The following CAP2 variants were observed in gnomAD, a reference collection of about 807,000 sequenced individuals.
CAP2 encodes the protein cyclase associated actin cytoskeleton regulatory protein 2.
Under a neutral mutation model 57.7 loss-of-function variants are expected in CAP2, and 24 were observed. The ratio of observed to expected loss-of-function variants is 0.42; its 90% CI spans 0.30 to 0.58. The LOEUF is 0.58. Among genes scored for constraint, CAP2 ranks in the 20% least tolerant of loss-of-function variants. The probability of loss-of-function intolerance (pLI) is 0.22; values close to 1 mark genes in which losing one functional copy is unlikely to be tolerated. For missense variants in CAP2, 501 were observed against 590.3 expected, an observed-to-expected ratio of 0.85 and a Z score of 1.57; for synonymous variants, 194 against 207.2, an observed-to-expected ratio of 0.94 and a Z score of 0.55.
chr6:17,480,477 A>G (rs568807731), intron 4 of CAP2, among the ~76,000 whole-genome samples: 76 of 152,294 alleles, frequency 5.0e-4, no homozygotes, highest in Non-Finnish European at 9.0e-4. Flanking sequence ...AGATAAACCT[A>G]AACCTGGTAT....
chr6:17,550,346 T>C (rs1432062263), intron 11 of CAP2, among the ~76,000 whole-genome samples: 5 of 151,722 alleles, frequency 3.3e-5, no homozygotes, highest in South Asian at 2.1e-4. Flanking sequence ...TGCTGTATTA[T>C]TATTTGTAGT....
At chr6:17,436,309 T>A (rs1343395416) in intron 3 of CAP2, among the ~76,000 whole-genome samples, 1 of 152,050 alleles carries the variant, frequency 6.6e-6, no homozygotes, top group Admixed American at 6.6e-5. Flanking sequence ...TCTTTTGTGT[T>A]TTTAGTAGAG....
At position 17,556,711 on chromosome 6, in the gene CAP2, T is replaced by A. The variant is rs767195836; in HGVS notation, c.*269T>A. The A allele has an allele frequency of 9.5e-6, 4 of 420,374 alleles. No homozygotes were observed. Among genetic ancestry groups the A allele is most frequent in the Non-Finnish European group, 1.7e-5 (4 of 234,340 alleles). The allele number at this position is 420,374 out of a possible 1,614,324, so 26.0% of individuals were successfully genotyped here. A position where few individuals can be genotyped will look rare whatever the true frequency, so the allele number is the denominator to read the frequency against. On this transcript the variant is annotated 3_prime_UTR_variant, in exon 13 of 13. Coordinates refer to ENST00000229922, the MANE Select transcript of CAP2 (RefSeq NM_006366.3). ...GATTTAAAGGAAAAAAAAAAAGAAT[T>A]CTGTTCCCCTCATATCATGAACACA... is the stretch of plus-strand genomic sequence containing the variant.
intron 8 of CAP2, among the ~76,000 whole-genome samples, chr6:17,540,756 A>C (rs949506655): frequency 1.5e-4 from 23 of 152,098 alleles, no homozygotes; most frequent in Admixed American, 1.0e-3. Flanking sequence ...TCCATTTAAA[A>C]AACAACAACA....
At chr6:17,400,838 C>G (rs2113500020) in intron 1 of CAP2, among the ~76,000 whole-genome samples, 1 of 148,822 alleles carries the variant, frequency 6.7e-6, no homozygotes, top group South Asian at 2.1e-4. Flanking sequence ...GCATTCCAGC[C>G]TGGGCAACAG....
intron 1 of CAP2, among the ~76,000 whole-genome samples, chr6:17,413,067 C>T (rs955921892): frequency 2.0e-5 from 3 of 151,954 alleles, no homozygotes; most frequent in Non-Finnish European, 4.4e-5. Context: ...ATCTCAGGAG[C>T]ATGGGGAATT....
chr6:17,425,422 G>C (rs892364417), intron 2 of CAP2, among the ~76,000 whole-genome samples: 1 of 152,170 alleles, frequency 6.6e-6, no homozygotes, highest in African/African-American at 2.4e-5. Context: ...CCACCCCCTG[G>C]GGAGTGAAGA....
chr6:17,412,679 T>C (rs1759168898), intron 1 of CAP2, among the ~76,000 whole-genome samples: 2 of 150,454 alleles, frequency 1.3e-5, no homozygotes, highest in Admixed American at 6.6e-5. Context: ...GATGGTGAGG[T>C]AATTGTACAT....
intron 3 of CAP2, among the ~76,000 whole-genome samples, chr6:17,443,414 T>G (rs1210828236): frequency 1.3e-5 from 2 of 152,182 alleles, no homozygotes; most frequent in Non-Finnish European, 2.9e-5. Flanking sequence ...AATTGGAAAT[T>G]TGTTGTTGTT....
chr6:17,430,398 A>G (rs1759696622), intron 3 of CAP2, among the ~76,000 whole-genome samples: 1 of 152,260 alleles, frequency 6.6e-6, no homozygotes. Context: ...GCATAATTGC[A>G]TACATGCATG....
At chr6:17,526,408 G>A (rs994730251) in intron 7 of CAP2, among the ~76,000 whole-genome samples, 6 of 151,952 alleles carry the variant, frequency 3.9e-5, no homozygotes, top group East Asian at 2.0e-4. Flanking sequence ...GTCAGCCACC[G>A]CACCCAGCCA....
chr6:17,407,393 C>T (rs1424039174), intron 1 of CAP2, among the ~76,000 whole-genome samples: 2 of 151,778 alleles, frequency 1.3e-5, no homozygotes, highest in African/African-American at 4.8e-5. Context: ...TCAGGAGGAC[C>T]GCTTGAGCCC....
intron 4 of CAP2, among the ~76,000 whole-genome samples, chr6:17,474,394 C>T (rs1441167496): frequency 6.6e-6 from 1 of 151,774 alleles, no homozygotes; most frequent in Non-Finnish European, 1.5e-5. Context: ...TATCTGGAAT[C>T]GTTTGTTAGA....
chr6:17,407,624 A>G (rs1255806566), intron 1 of CAP2, among the ~76,000 whole-genome samples: 2 of 151,860 alleles, frequency 1.3e-5, no homozygotes, highest in Non-Finnish European at 2.9e-5. Flanking sequence ...CAAAAAATAT[A>G]AAAATTTAGC....
At chr6:17,548,152 G>A (rs1299980356) in intron 11 of CAP2, among the ~76,000 whole-genome samples, 1 of 152,080 alleles carries the variant, frequency 6.6e-6, no homozygotes, top group African/African-American at 2.4e-5. Context: ...CAGATCATGA[G>A]GTCAGGAGAT....
chr6:17,538,705 G>A, intron 7 of CAP2, among the ~76,000 whole-genome samples: 1 of 152,152 alleles, frequency 6.6e-6, no homozygotes. Flanking sequence ...AAGCATCCCG[G>A]TCACATATGC....
chr6:17,549,320 G>A (rs910702170), intron 11 of CAP2, among the ~76,000 whole-genome samples: 4 of 152,042 alleles, frequency 2.6e-5, no homozygotes, highest in African/African-American at 9.7e-5. Context: ...AAAATTAGCC[G>A]GGCATGGTGA....
chr6:17,483,627 T>A (rs1455250602), intron 4 of CAP2, among the ~76,000 whole-genome samples: 1 of 152,138 alleles, frequency 6.6e-6, no homozygotes, highest in African/African-American at 2.4e-5. Flanking sequence ...AAAGGAAAGG[T>A]ATGAAAGACG....
intron 4 of CAP2, among the ~76,000 whole-genome samples, chr6:17,463,401 G>A (rs2113598443): frequency 6.6e-6 from 1 of 152,138 alleles, no homozygotes; most frequent in African/African-American, 2.4e-5. Flanking sequence ...TAAAAGGTGA[G>A]TTGACTTGTG....
Sources: gnomAD v4.1 joint callset for allele counts (sites outside exome capture counted in the v4.1 genomes callset) on GRCh38, gnomAD v4.1.1 for gene constraint, MANE v1.5 for transcripts, NCBI Gene and HGNC (gene_info 2026-07-23, HGNC 2026-07-21) for gene names.